Variants in SNCAIP observed in about 807,000 individuals in gnomAD.
The protein encoded by SNCAIP is synuclein alpha interacting protein.
A neutral mutation model predicts 86.7 loss-of-function variants in SNCAIP; 43 were observed. The ratio of observed to expected loss-of-function variants is 0.50; its 90% CI spans 0.39 to 0.64. The LOEUF (loss-of-function observed/expected upper bound fraction) is 0.64, where lower values mean the gene tolerates loss of function less well. Among genes scored for constraint, SNCAIP ranks in the 30% least tolerant of loss-of-function variants. The probability of loss-of-function intolerance (pLI) is 0.00; values close to 1 mark genes in which losing one functional copy is unlikely to be tolerated. For synonymous variants in SNCAIP, 417 were observed against 427.2 expected (o/e 0.98, Z 0.29); for missense variants, 981 against 1,103.1 (o/e 0.89, Z 1.57).
chr5:122,348,584 A>C (rs1759108360), intron 1 of SNCAIP, among the ~76,000 whole-genome samples: 1 of 152,184 alleles, frequency 6.6e-6, no homozygotes, highest in Non-Finnish European at 1.5e-5. Context: ...CATAGTGTAC[A>C]TACAACCCAT....
chr5:122,322,008 C>T (rs377362974), intron 1 of SNCAIP, among the ~76,000 whole-genome samples: 37 of 152,000 alleles, frequency 2.4e-4, no homozygotes, highest in African/African-American at 8.9e-4. Context: ...AACAAAAACT[C>T]GTCCAGTGAA....
At chr5:122,437,842 G>T (rs1779880288) in intron 6 of SNCAIP, among the ~76,000 whole-genome samples, 1 of 152,136 alleles carries the variant, frequency 6.6e-6, no homozygotes, top group African/African-American at 2.4e-5. Context: ...AGATTATCAA[G>T]CCCCTGAAAA....
At chr5:122,368,865 C>T (rs1763698052) in intron 1 of SNCAIP, among the ~76,000 whole-genome samples, 1 of 152,298 alleles carries the variant, frequency 6.6e-6, no homozygotes, top group Non-Finnish European at 1.5e-5. Flanking sequence ...AAAATCACTG[C>T]CTCAGAGAGA....
intron 6 of SNCAIP, among the ~76,000 whole-genome samples, chr5:122,438,690 T>A (rs904346499): frequency 6.6e-6 from 1 of 152,232 alleles, no homozygotes; most frequent in African/African-American, 2.4e-5. Context: ...TTTCCAAGAA[T>A]CTGTCCATGC....
intron 1 of SNCAIP, among the ~76,000 whole-genome samples, chr5:122,365,843 T>C (rs888929796): frequency 3.3e-5 from 5 of 152,212 alleles, no homozygotes; most frequent in African/African-American, 1.2e-4. Flanking sequence ...GGGATGCAGA[T>C]GCATGGACAG....
intron 1 of SNCAIP, among the ~76,000 whole-genome samples, chr5:122,358,161 G>A (rs1239946911): frequency 6.9e-5 from 3 of 43,266 alleles, no homozygotes; most frequent in African/African-American, 3.1e-4. Flanking sequence ...TTGTTTCTTT[G>A]TGTGTGTGTG....
At chr5:122,463,155 C>A (rs957542270) in intron 10 of SNCAIP, among the ~76,000 whole-genome samples, 32 of 152,190 alleles carry the variant, frequency 2.1e-4, no homozygotes, top group African/African-American at 7.7e-4. Context: ...TTTGTTTATA[C>A]TCAGCCAACA....
intron 1 of SNCAIP, among the ~76,000 whole-genome samples, chr5:122,365,115 CT>C (rs1762914899): frequency 6.6e-6 from 1 of 152,154 alleles, no homozygotes; most frequent in Non-Finnish European, 1.5e-5. Context: ...GCCCCGACCC[CT>C]ATTTAATCCC....
chr5:122,328,118 A>G (rs1754491527), intron 1 of SNCAIP, among the ~76,000 whole-genome samples: 1 of 152,210 alleles, frequency 6.6e-6, no homozygotes, highest in South Asian at 2.1e-4. Flanking sequence ...TGTTAAAAGG[A>G]TAGTTTGAGC....
intron 1 of SNCAIP, among the ~76,000 whole-genome samples, chr5:122,328,357 C>G (rs759641142): frequency 2.0e-5 from 3 of 152,166 alleles, no homozygotes; most frequent in Non-Finnish European, 2.9e-5. Context: ...AGTCTGCACC[C>G]GCAAAGTAAA....
intron 1 of SNCAIP, among the ~76,000 whole-genome samples, chr5:122,355,425 C>A (rs1344569189): frequency 1.3e-5 from 2 of 151,890 alleles, no homozygotes. Flanking sequence ...ATAATGAACC[C>A]CCATCTTATA....
rs1346150857 is a variant in SNCAIP, at chr5:122,463,520, A to T, written c.*24A>T. 4 of 1,609,294 alleles carry T rather than the reference A, an allele frequency of 2.5e-6. No homozygotes were observed. Among genetic ancestry groups the T allele is most frequent in the Non-Finnish European group, 3.4e-6 (4 of 1,176,510 alleles). ...AATGACATCAATAGAAAAATGAAGA[A>T]ATCCTACAGCATAAAGCACATTGCT... On this transcript the variant is annotated 3_prime_UTR_variant, in exon 11 of 11. Transcript: ENST00000261368.
At chr5:122,401,923 T>C (rs1027864262) in intron 2 of SNCAIP, among the ~76,000 whole-genome samples, 8 of 152,188 alleles carry the variant, frequency 5.3e-5, no homozygotes, top group African/African-American at 1.9e-4. Context: ...GGGTGGGAGA[T>C]GGCAGTTAGG....
intron 1 of SNCAIP, among the ~76,000 whole-genome samples, chr5:122,325,758 C>T (rs1474724709): frequency 6.6e-6 from 1 of 152,032 alleles, no homozygotes; most frequent in Non-Finnish European, 1.5e-5. Flanking sequence ...TATTTTTTTA[C>T]AAAGTATTCG....
intron 1 of SNCAIP, among the ~76,000 whole-genome samples, chr5:122,372,373 T>G (rs1036303128): frequency 6.6e-6 from 1 of 152,144 alleles, no homozygotes; most frequent in East Asian, 1.9e-4. Context: ...ACACAGAGTT[T>G]GGAAGAGATG....
rs188947640 is a variant in SNCAIP at position 122,390,014 on chromosome 5, C to T, written c.-46-1075C>T. 3 of 152,248 alleles carry T rather than the reference C, an allele frequency of 2.0e-5. No individual in the cohort carries two copies. The East Asian group carries it at 5.8e-4, about 29-fold the overall frequency. 9.4% of individuals were successfully genotyped at this position (152,248 alleles called of 1,614,324 possible). On this transcript the variant is annotated intron_variant, in intron 1 of 10. Transcript: ENST00000261368. Reference sequence around the variant, plus strand: ...TAAAAAGTAGGTCTTTTTACACTTTCAGTCTTTTATCGGGAGGCCCATTTT... The same window carrying T: ...TAAAAAGTAGGTCTTTTTACACTTTTAGTCTTTTATCGGGAGGCCCATTTT...
chr5:122,449,689 A>AGGGAGTTT, intron 8 of SNCAIP, among the ~76,000 whole-genome samples, 156 bp from the exon 9 acceptor site: 2 of 152,222 alleles, frequency 1.3e-5, no homozygotes, highest in African/African-American at 2.4e-5. Context: ...TTTCCTTAGG[A>AGGGAGTTT]AAATTTCTGA....
intron 3 of SNCAIP, among the ~76,000 whole-genome samples, chr5:122,419,344 G>A (rs1775918873): frequency 6.6e-6 from 1 of 152,172 alleles, no homozygotes; most frequent in South Asian, 2.1e-4. Flanking sequence ...ACAGTCAGCA[G>A]GCAAATACTT....
At position 122,423,543 on chromosome 5, in the gene SNCAIP, G is replaced by A. The variant is rs776653393; in HGVS notation, c.806G>A (p.Arg269Gln). The stretch of plus-strand genomic sequence containing the variant: ...AAGACATTTAGTGATCCTCATGGTC[G>A]AAAAGTTGAGAAGACAACACCAGAC... The part of the protein sequence containing the change: ...LNKTFSDPHG[R>Q]KVEKTTPDCQ... The change falls in exon 4 of 11, where the codon CGA becomes CAA. Residue 269 changes from arginine (R) to glutamine (Q), a missense_variant. Arg to Gln is a conservative substitution (Grantham distance 43). Transcript: ENST00000261368. 40 of 1,614,120 alleles carry A rather than the reference G, an allele frequency of 2.5e-5. No individual in the cohort carries two copies. In the East Asian group the frequency reaches 5.3e-4, roughly 22 times the overall value.
Sources: allele counts gnomAD v4.1 joint callset (sites outside exome capture counted in the v4.1 genomes callset), GRCh38; gene constraint gnomAD v4.1.1; transcripts MANE v1.5; gene names NCBI Gene and HGNC (gene_info 2026-07-23, HGNC 2026-07-21).